The following ERI1 variants were observed in gnomAD, a reference collection of about 807,000 sequenced individuals.
ERI1 encodes the protein 3'-5' exoribonuclease 1.
Under a neutral mutation model 39.7 loss-of-function variants are expected in ERI1, and 39 were observed. That is an observed-to-expected ratio of 0.98 (90% CI 0.76 to 1.28). The LOEUF is 1.28. Among genes scored for constraint, ERI1 ranks in the 50% most tolerant of loss-of-function variants. The pLI is 0.00. For missense variants in ERI1, 581 were observed against 416.9 expected (o/e 1.39, Z -3.43); for synonymous variants, 204 against 149.6 (o/e 1.36, Z -2.65).
intron 4 of ERI1, among the ~76,000 whole-genome samples, 157 bp downstream of exon 4, chr8:9,016,562 C>A (rs958476877): frequency 6.7e-6 from 1 of 149,890 alleles, no homozygotes; most frequent in Non-Finnish European, 1.5e-5. Flanking sequence ...AAAAAAAAAA[C>A]AGCAAATTTT....
In ERI1 at chr8:9,020,405, T is replaced by C. The variant is rs1192833608; in HGVS notation, c.748T>C (p.Tyr250His). Residue 250 changes from tyrosine (Y) to histidine (H), a missense_variant, in exon 6 of 7, where the codon TAC (tyrosine) becomes CAC (histidine). Transcript: ENST00000250263. ...TCAGTGTCAACTCAGCAGGCTCAAATACCCTCCTTTTGCGAAAAAGTGGAT... is the reference window on the plus strand; with the variant it reads ...TCAGTGTCAACTCAGCAGGCTCAAACACCCTCCTTTTGCGAAAAAGTGGAT... The part of the protein sequence containing the change: ...NIQCQLSRLK[Y>H]PPFAKKWINI... 1.9e-6 allele frequency: 3 copies of C among 1,608,810 alleles called. No individual in the cohort carries two copies. Among genetic ancestry groups the C allele is most frequent in the Non-Finnish European group, 2.5e-6 (3 of 1,177,970 alleles).
chr8:9,070,616 G>A (rs940524291), intron 3 of ERI1, among the ~76,000 whole-genome samples: 1 of 152,156 alleles, frequency 6.6e-6, no homozygotes. Flanking sequence ...ATTCACCCAC[G>A]GAACATTCCT....
At chr8:9,018,544 C>A (rs915533186) in intron 5 of ERI1, 138 bp downstream of exon 5, 1 of 543,740 alleles carries the variant, frequency 1.8e-6, no homozygotes, top group South Asian at 2.8e-5. Flanking sequence ...AGTATTTTTC[C>A]TTTCACCTAA....
rs903960207 is a variant in ERI1 at position 9,031,231 on chromosome 8, A to G, written c.*1197A>G. ...AGATTTATATTTTATAACCAGATGAATTTCCTCAAAGGTTTCCAAACCTAT... is the reference window on the plus strand; with the variant it reads ...AGATTTATATTTTATAACCAGATGAGTTTCCTCAAAGGTTTCCAAACCTAT... On this transcript the variant is annotated 3_prime_UTR_variant, in exon 7 of 7. Coordinates refer to ENST00000250263, the MANE Select transcript of ERI1 (RefSeq NM_153332.4). 1 of 152,156 alleles carries G rather than the reference A, an allele frequency of 6.6e-6. No homozygotes were observed. The highest frequency in any genetic ancestry group is 1.5e-5 in the Non-Finnish European group (1 of 68,020). 9.4% of individuals were successfully genotyped at this position (152,156 alleles called of 1,614,324 possible). A position where few individuals can be genotyped will look rare whatever the true frequency, so the allele number is the denominator to read the frequency against.
intron 3 of ERI1, among the ~76,000 whole-genome samples, chr8:9,056,902 C>G (rs554380621): frequency 2.0e-5 from 3 of 152,236 alleles, no homozygotes; most frequent in Non-Finnish European, 2.9e-5. Context: ...GGCAAGATCT[C>G]GTCTCACTGT....
chr8:9,014,259 T>C (rs1465078111), intron 3 of ERI1, among the ~76,000 whole-genome samples: 1 of 152,232 alleles, frequency 6.6e-6, no homozygotes, highest in Non-Finnish European at 1.5e-5. Flanking sequence ...TAGCTCCAGT[T>C]TTCTTAGCCA....
intron 3 of ERI1, among the ~76,000 whole-genome samples, chr8:9,063,550 G>C (rs1017367911): frequency 2.0e-5 from 3 of 152,132 alleles, no homozygotes; most frequent in Non-Finnish European, 4.4e-5. Context: ...TGGGTCTGTA[G>C]AAAAGGAAGA....
At chr8:9,072,381 A>G in intron 3 of ERI1, 1 of 152,216 alleles carries the variant, frequency 6.6e-6, no homozygotes, top group East Asian at 1.9e-4. Context: ...AATATTTGGA[A>G]GCCTATTCAC....
rs541367604 is a variant in ERI1, at chr8:9,053,007, A to ATTTTTG, written n.299+32565_299+32570dup. 2.7e-4 allele frequency among the ~76,000 whole-genome samples: 41 copies of ATTTTTG among 152,050 alleles called. No individual in the cohort carries two copies. In the South Asian group the frequency reaches 5.0e-3, roughly 19 times the overall value. On this transcript the variant is annotated intron_variant and non_coding_transcript_variant, in intron 3 of 3. Coordinates refer to the ERI1 transcript ENST00000518663. ...ATCACTAGTGGCTAATGATTTATTT[A>ATTTTTG]TTTTTGTTTTTGTTTTTGTTTTTGT...
rs979472579 is a variant in ERI1 at position 9,003,168 on chromosome 8, C to G, written c.105C>G (p.Pro35=). The G allele has an allele frequency of 2.4e-5, 30 of 1,242,880 alleles. No homozygotes were observed. The highest frequency in any genetic ancestry group is 3.0e-4 in the Middle Eastern group (1 of 3,292). The allele number at this position is 1,242,880 out of a possible 1,614,324, so 77.0% of individuals were successfully genotyped here. Residue 35 remains proline, a synonymous_variant, in exon 1 of 7, where the codon CCC becomes CCG. Coordinates refer to ENST00000250263, the MANE Select transcript of ERI1 (RefSeq NM_153332.4). ...GGGAGGAGCCGCCGCGTCCCAGTCC[C>G]GAGGTGAGGAGTCGACCCGCGCCTG... ...EGGEEPPRPS[P]EETQQCKFDG...
At chr8:9,004,208 A>C in intron 1 of ERI1, 1 of 1,282,600 alleles carries the variant, frequency 7.8e-7, no homozygotes, top group Non-Finnish European at 1.0e-6. Context: ...TGTTATTTCA[A>C]AGAGTACTTG....
rs74524526 is a variant in ERI1, at chr8:9,023,005, T to G, written c.807+2541T>G. ...ATACCATTGTGACATCTTAAAAAAT[T>G]AGCAGTAATTCCTTCATCAAATAGT... On this transcript the variant is annotated intron_variant, in intron 6 of 6. Coordinates refer to ENST00000250263, the MANE Select transcript of ERI1 (RefSeq NM_153332.4). Among the ~76,000 whole-genome samples the G allele has an allele frequency of 9.7e-3, 1,470 of 152,326 alleles. 21 individuals are homozygous for G. Among genetic ancestry groups the G allele is most frequent in the African/African-American group, 0.033 (1,386 of 41,564 alleles).
chr8:9,006,502 G>A (rs1390599560), intron 1 of ERI1, among the ~76,000 whole-genome samples: 2 of 152,166 alleles, frequency 1.3e-5, no homozygotes, highest in Non-Finnish European at 2.9e-5. Flanking sequence ...GTTACTTAAT[G>A]TTGACCTAAA....
intron 3 of ERI1, among the ~76,000 whole-genome samples, chr8:9,086,414 G>A (rs765382496): frequency 6.6e-6 from 1 of 152,138 alleles, no homozygotes; most frequent in Non-Finnish European, 1.5e-5. Flanking sequence ...GATGGGTGTG[G>A]TGATGTGCAC....
intron 3 of ERI1, among the ~76,000 whole-genome samples, chr8:9,046,555 A>G (rs1190935946): frequency 6.6e-6 from 1 of 152,058 alleles, no homozygotes; most frequent in Non-Finnish European, 1.5e-5. Flanking sequence ...AGTGACTACG[A>G]CTCTTACTCA....
At chr8:9,080,961 T>C (rs926688017) in intron 3 of ERI1, among the ~76,000 whole-genome samples, 6 of 152,218 alleles carry the variant, frequency 3.9e-5, no homozygotes, top group Admixed American at 1.3e-4. Flanking sequence ...AGGATACTAC[T>C]TGAGACTGGG....
intron 3 of ERI1, among the ~76,000 whole-genome samples, chr8:9,087,425 T>G (rs1350226487): frequency 9.2e-4 from 48 of 51,940 alleles, no homozygotes; most frequent in African/African-American, 3.3e-3. Context: ...TTTTTTTTTT[T>G]TTTTTTTTTT....
chr8:9,094,027 C>G (rs1378105901), intron 3 of ERI1, among the ~76,000 whole-genome samples: 2 of 152,106 alleles, frequency 1.3e-5, no homozygotes, highest in East Asian at 3.9e-4. Context: ...ACCCTATACA[C>G]CAATCAGCTA....
chr8:9,050,835 C>T, intron 3 of ERI1, among the ~76,000 whole-genome samples: 1 of 152,138 alleles, frequency 6.6e-6, no homozygotes, highest in Non-Finnish European at 1.5e-5. Context: ...CAGCATCATT[C>T]CTATTGCTCT....
Sources: allele counts gnomAD v4.1 joint callset (sites outside exome capture counted in the v4.1 genomes callset), GRCh38; gene constraint gnomAD v4.1.1; transcripts MANE v1.5; gene names NCBI Gene and HGNC (gene_info 2026-07-23, HGNC 2026-07-21).